FAM9C: variants seen among roughly 807,000 people sequenced by gnomAD.
FAM9C encodes protein FAM9C.
A neutral mutation model predicts 14.8 loss-of-function variants in FAM9C; 15 were observed. That is an observed-to-expected ratio of 1.02 (90% CI 0.68 to 1.56). FAM9C has a LOEUF of 1.56. Ranked by LOEUF, FAM9C falls within the 40% of genes most tolerant of loss-of-function variation. The probability of loss-of-function intolerance (pLI) is 0.00; values close to 1 mark genes in which losing one functional copy is unlikely to be tolerated. For missense variants in FAM9C, 116 were observed against 118.0 expected (o/e 0.98, Z 0.08); for synonymous variants, 45 against 37.5 (o/e 1.20, Z -0.74).
chrX:13,038,807 A>T (rs1274064579), intron 6 of FAM9C, among the ~76,000 whole-genome samples: 1 of 112,357 alleles, frequency 8.9e-6, no homozygotes, highest in Non-Finnish European at 1.9e-5. Context: ...GATAGGTAAG[A>T]TCTATACAGA....
At position 13,040,796 on chromosome X, in the gene FAM9C, GTTCT is replaced by G. The variant is rs755744608; in HGVS notation, c.287_290del (p.Lys96ThrfsTer7). The G allele has an allele frequency of 4.2e-6, 5 of 1,190,551 alleles. No individual in the cohort carries two copies. Among genetic ancestry groups the G allele is most frequent in the African/African-American group, 1.8e-5 (1 of 56,599 alleles). On this transcript the variant is annotated frameshift_variant, in exon 5 of 8. Coordinates refer to ENST00000380625, the MANE Select transcript of FAM9C (RefSeq NM_174901.6). LOFTEE classifies it high-confidence loss of function. ...TTGTTCTCAAAACATTTTTAATTCT[GTTCT>G]TTATTTCGCTGCAAGCTTTTGCAAT...
At chrX:13,036,204 T>C (rs888996393) in intron 7 of FAM9C, 186 bp from the exon 8 acceptor site, 1 of 112,289 alleles carries the variant, frequency 8.9e-6, no homozygotes, top group African/African-American at 3.2e-5. Flanking sequence ...AGGGCTTTCA[T>C]TATACTCTTC....
intron 2 of FAM9C, 141 bp downstream of exon 2, chrX:13,043,588 G>T: frequency 1.4e-6 from 1 of 723,304 alleles, no homozygotes; most frequent in African/African-American, 2.1e-5. Context: ...TTGAAAACCT[G>T]GGGCATCTCA....
At chrX:13,044,253 C>T (rs2043555348) in intron 1 of FAM9C, among the ~76,000 whole-genome samples, 1 of 111,089 alleles carries the variant, frequency 9.0e-6, no homozygotes, top group South Asian at 3.8e-4. Context: ...GCCCAGGGGA[C>T]CCCTGGTGAC....
chrX:13,039,704 C>G, intron 6 of FAM9C, 104 bp downstream of exon 6: 1 of 1,112,850 alleles, frequency 9.0e-7, no homozygotes, highest in Non-Finnish European at 1.2e-6. Flanking sequence ...GCGACCCTCT[C>G]TGGGCTCATG....
chrX:13,041,765 A>G (rs2043529868), intron 4 of FAM9C: 1 of 112,535 alleles, frequency 8.9e-6, no homozygotes, highest in Non-Finnish European at 1.9e-5. Context: ...TTTTTATATG[A>G]CATTTTTATC....
At chrX:13,044,256 C>CTGG (rs2147294348) in intron 1 of FAM9C, among the ~76,000 whole-genome samples, 1 of 110,884 alleles carries the variant, frequency 9.0e-6, no homozygotes, top group South Asian at 3.8e-4. Flanking sequence ...CAGGGGACCC[C>CTGG]TGGTGACCCC....
intron 2 of FAM9C, 26 bp from the exon 3 acceptor site, chrX:13,043,274 C>T (rs1355159192): frequency 3.2e-5 from 38 of 1,179,456 alleles, no homozygotes; most frequent in Non-Finnish European, 4.0e-5. Context: ...AAAGACAAAC[C>T]TTTTTTAGAG....
intron 2 of FAM9C, 38 bp downstream of exon 2, chrX:13,043,691 C>T (rs764815568): frequency 1.7e-5 from 21 of 1,204,102 alleles, no homozygotes; most frequent in Non-Finnish European, 2.4e-5. Flanking sequence ...GACTGTTGGG[C>T]GTGCACCTTC....
chrX:13,038,753 A>G lies in FAM9C; in HGVS notation c.439-250T>C, dbSNP rs112450047. 9.1e-3 allele frequency among the ~76,000 whole-genome samples: 1,017 copies of G among 112,256 alleles called. 14 individuals carry two copies. The highest frequency in any genetic ancestry group is 0.031 in the African/African-American group (956 of 30,890). On this transcript the variant is annotated intron_variant, in intron 6 of 7. Coordinates refer to ENST00000380625, the MANE Select transcript of FAM9C (RefSeq NM_174901.6). ...ACATACGTCTTAATTCTTGATTTCA[A>G]ATGAAGAGTATTTGATGACCCTTCC...
Position 13,039,795 on chromosome X carries a change from G to T in FAM9C, c.438+13C>A. The stretch of plus-strand genomic sequence containing the variant: ...TACAATAGGTTAATCATAAAGCTAA[G>T]CCTGATACCAACAATTTGTTCTTCC... On this transcript the variant is annotated intron_variant, in intron 6 of 7. Transcript: ENST00000380625. 8.3e-7 allele frequency: 1 copy of T among 1,198,916 alleles called. No homozygotes were observed. Among genetic ancestry groups the T allele is most frequent in the Non-Finnish European group, 1.1e-6 (1 of 889,979 alleles).
At chrX:13,039,546 C>T (rs1201549330) in intron 6 of FAM9C, among the ~76,000 whole-genome samples, 1 of 111,780 alleles carries the variant, frequency 8.9e-6, no homozygotes, top group Non-Finnish European at 1.9e-5. Flanking sequence ...TACACCCCAA[C>T]CCAGGAAATT....
rs1175940822 is a variant in FAM9C at position 13,040,878 on chromosome X, T to G, written c.215-6A>C. The G allele has an allele frequency of 1.8e-6, 2 of 1,089,489 alleles. No individual in the cohort carries two copies. The highest frequency in any genetic ancestry group is 2.2e-5 in the South Asian group (1 of 44,980). The allele number at this position is 1,089,489 out of a possible 1,213,427, so 89.8% of individuals were successfully genotyped here. A position where few individuals can be genotyped will look rare whatever the true frequency, so the allele number is the denominator to read the frequency against. On this transcript the variant is annotated splice_polypyrimidine_tract_variant and splice_region_variant and intron_variant, in intron 4 of 7. Coordinates refer to ENST00000380625, the MANE Select transcript of FAM9C (RefSeq NM_174901.6). ...AAGATGCTCTTTAATGTCAGCTAGA[T>G]AGTAAATGAATATGCATTAAATGTT...
chrX:13,043,533 T>C (rs1330719516), intron 2 of FAM9C, among the ~76,000 whole-genome samples, 196 bp downstream of exon 2: 3 of 112,711 alleles, frequency 2.7e-5, no homozygotes, highest in Non-Finnish European at 3.8e-5. Context: ...AACCCTGCTA[T>C]GAGGGGGAGC....
chrX:13,044,135 G>C (rs1189299624), intron 1 of FAM9C, among the ~76,000 whole-genome samples: 2 of 111,923 alleles, frequency 1.8e-5, no homozygotes, highest in Non-Finnish European at 3.8e-5. Context: ...CAGTGGAGTC[G>C]GGAGGGCCGC....
intron 7 of FAM9C, chrX:13,036,244 TAGTTCACTGACAAACCATCAC>T (rs1241123880): frequency 2.7e-5 from 3 of 112,445 alleles, no homozygotes; most frequent in African/African-American, 9.7e-5. Context: ...ACAAAAAGTC[TAGTTCACTGACAAACCATCAC>T]TTTACAACTC....
chrX:13,035,997 T>A lies in FAM9C; in HGVS notation c.*47A>T, dbSNP rs762558130. ...AACAGAGGTTGAAGATACATCTGAA[T>A]AAGTGCCAACTCTTGCTGCAGCTGT... is the stretch of plus-strand genomic sequence containing the variant. On this transcript the variant is annotated 3_prime_UTR_variant, in exon 8 of 8. Coordinates refer to ENST00000380625, the MANE Select transcript of FAM9C (RefSeq NM_174901.6). The A allele has an allele frequency of 8.9e-6, 1 of 112,565 alleles. No homozygotes were observed. The highest frequency in any genetic ancestry group is 1.9e-5 in the Non-Finnish European group (1 of 53,231). 9.3% of individuals were successfully genotyped at this position (112,565 alleles called of 1,213,427 possible).
chrX:13,041,017 G>T, intron 4 of FAM9C, 145 bp from the exon 5 acceptor site: 2 of 351,096 alleles, frequency 5.7e-6, no homozygotes, highest in Non-Finnish European at 9.7e-6. Flanking sequence ...CAAAAAGCAA[G>T]ATTTACTTAC....
In FAM9C at chrX:13,041,154, G is replaced by A. The variant is rs918535043; in HGVS notation, c.215-282C>T. 9.2e-5 allele frequency: 14 copies of A among 152,347 alleles called. No homozygotes were observed. In the Admixed American group the frequency reaches 1.2e-3, roughly 13 times the overall value. The allele number at this position is 152,347 out of a possible 1,213,427, so 12.6% of individuals were successfully genotyped here. On this transcript the variant is annotated intron_variant, in intron 4 of 7. Transcript: ENST00000380625. ...TCTATTTTTTAAGTGTGCAGAAAGG[G>A]TTACAAACACAGACTTTAATTTCTT...
Sources: gnomAD v4.1 joint callset for allele counts (sites outside exome capture counted in the v4.1 genomes callset) on GRCh38, gnomAD v4.1.1 for gene constraint, MANE v1.5 for transcripts, NCBI Gene and HGNC (gene_info 2026-07-23, HGNC 2026-07-21) for gene names.